The following ADM variants were observed in gnomAD, a reference collection of about 807,000 sequenced individuals.
ADM encodes adrenomedullin, also known as pro-adrenomedullin.
Under a neutral mutation model 9.0 loss-of-function variants are expected in ADM, and 4 were observed. The observed-to-expected ratio is 0.44, with a 90% confidence interval of 0.22 to 1.02. The LOEUF is 1.02. ADM is among the 50% of genes least tolerant of loss of function. The pLI is 0.24. For synonymous variants in ADM, 107 were observed against 107.2 expected (o/e 1.00, Z 0.01); for missense variants, 253 against 254.1 (o/e 1.00, Z 0.03).
In ADM at chr11:10,306,317, T is replaced by TGGGGGGGGGGGGGG; in HGVS notation, c.249-15_249-14insGGGGGGGGGGGGGG. 1 of 636,202 alleles carries TGGGGGGGGGGGGGG rather than the reference T, an allele frequency of 1.6e-6. No individual in the cohort carries two copies. Among genetic ancestry groups the TGGGGGGGGGGGGGG allele is most frequent in the Non-Finnish European group, 2.4e-6 (1 of 411,140 alleles). 39.4% of individuals were successfully genotyped at this position (636,202 alleles called of 1,614,324 possible). On this transcript the variant is annotated splice_polypyrimidine_tract_variant and intron_variant, in intron 3 of 3. Transcript: ENST00000278175. ...GGTCTCAAGTTGCCTTTCTTCCCCC[T>TGGGGGGGGGGGGGG]CCCCCCGCCCGCAGCAGTCCGGATG...
intron 3 of ADM, 32 bp downstream of exon 3, chr11:10,306,130 A>G: frequency 1.9e-6 from 3 of 1,607,364 alleles, no homozygotes; most frequent in Non-Finnish European, 2.6e-6. Flanking sequence ...CAGGGACGGG[A>G]GGGAAGGAAG....
rs1015136712 is a variant in ADM at position 10,306,774 on chromosome 11, C to T, written c.*133C>T. The stretch of plus-strand genomic sequence containing the variant: ...CGGAGACCCTGAGTCCGGGAGGCAC[C>T]GTCCGGCGGCGAGCTCTGGCTTTGC... On this transcript the variant is annotated 3_prime_UTR_variant, in exon 4 of 4. Coordinates refer to ENST00000278175, the MANE Select transcript of ADM (RefSeq NM_001124.3). 1.1e-5 allele frequency: 10 copies of T among 883,404 alleles called. No individual in the cohort carries two copies. Among genetic ancestry groups the T allele is most frequent in the Non-Finnish European group, 1.6e-5 (10 of 616,084 alleles). The allele number at this position is 883,404 out of a possible 1,614,324, so 54.7% of individuals were successfully genotyped here. A position where few individuals can be genotyped will look rare whatever the true frequency, so the allele number is the denominator to read the frequency against.
In ADM at chr11:10,306,320, C is replaced by G; in HGVS notation, c.249-12C>G. 1 of 1,481,260 alleles carries G rather than the reference C, an allele frequency of 6.8e-7. No individual in the cohort carries two copies. Among genetic ancestry groups the G allele is most frequent in the Non-Finnish European group, 9.3e-7 (1 of 1,073,686 alleles). 91.8% of individuals were successfully genotyped at this position (1,481,260 alleles called of 1,614,324 possible). On this transcript the variant is annotated splice_polypyrimidine_tract_variant and intron_variant, in intron 3 of 3. Coordinates refer to ENST00000278175, the MANE Select transcript of ADM (RefSeq NM_001124.3). Reference sequence around the variant, plus strand: ...CTCAAGTTGCCTTTCTTCCCCCTCCCCCCGCCCGCAGCAGTCCGGATGCCG... The same window carrying G: ...CTCAAGTTGCCTTTCTTCCCCCTCCGCCCGCCCGCAGCAGTCCGGATGCCG...
At chr11:10,305,835 T>A in intron 2 of ADM, 37 bp downstream of exon 2, 1 of 1,611,870 alleles carries the variant, frequency 6.2e-7, no homozygotes, top group East Asian at 2.2e-5. Flanking sequence ...TGCTGGTACC[T>A]GGCAGGCAAG....
chr11:10,306,835 C>A lies in ADM; in HGVS notation c.*194C>A. 1.9e-6 allele frequency: 1 copy of A among 526,512 alleles called. No individual in the cohort carries two copies. The highest frequency in any genetic ancestry group is 3.2e-6 in the Non-Finnish European group (1 of 309,848). The allele number at this position is 526,512 out of a possible 1,614,324, so 32.6% of individuals were successfully genotyped here. A position where few individuals can be genotyped will look rare whatever the true frequency, so the allele number is the denominator to read the frequency against. Reference sequence around the variant, plus strand: ...CCTTCTGGGGGCTTCGCTTCCTTAGCCTTGCTCAGGTGCAAGTGCCCCAGG... The same window carrying A: ...CCTTCTGGGGGCTTCGCTTCCTTAGACTTGCTCAGGTGCAAGTGCCCCAGG... On this transcript the variant is annotated 3_prime_UTR_variant, in exon 4 of 4. Coordinates refer to ENST00000278175, the MANE Select transcript of ADM (RefSeq NM_001124.3).
chr11:10,306,975 A>C lies in ADM; in HGVS notation c.*334A>C. On this transcript the variant is annotated 3_prime_UTR_variant, in exon 4 of 4. Coordinates refer to ENST00000278175, the MANE Select transcript of ADM (RefSeq NM_001124.3). ...TGAGCCACAGCCGTGCTCGCCCACA[A>C]ACTGATTTCTCACGGCGTGTCACCC... is the stretch of plus-strand genomic sequence containing the variant. 1 of 240,034 alleles carries C rather than the reference A, an allele frequency of 4.2e-6. No individual in the cohort carries two copies. Among genetic ancestry groups the C allele is most frequent in the Non-Finnish European group, 8.0e-6 (1 of 125,140 alleles). The allele number at this position is 240,034 out of a possible 1,614,324, so 14.9% of individuals were successfully genotyped here. A position where few individuals can be genotyped will look rare whatever the true frequency, so the allele number is the denominator to read the frequency against.
chr11:10,305,805 C>A lies in ADM; in HGVS notation c.98+7C>A, dbSNP rs1964648604. On this transcript the variant is annotated splice_region_variant and intron_variant, in intron 2 of 3. Coordinates refer to ENST00000278175, the MANE Select transcript of ADM (RefSeq NM_001124.3). ...CGTCGGAGTTTCGAAAGAAGTGAGT[C>A]CGGGCAGCGCCTTCCCCCTTGCTGG... The A allele has an allele frequency of 6.2e-7, 1 of 1,613,924 alleles. No homozygotes were observed. Among genetic ancestry groups the A allele is most frequent in the Non-Finnish European group, 8.5e-7 (1 of 1,179,980 alleles).
In ADM at chr11:10,306,559, C is replaced by A. The variant is rs750283609; in HGVS notation, c.476C>A (p.Pro159Gln). ...RRRRSLPEAG[P>Q]GRTLVSSKPQ... The stretch of plus-strand genomic sequence containing the variant: ...CGGCGCTCCCTGCCCGAGGCCGGCC[C>A]GGGTCGGACTCTGGTGTCTTCTAAG... Residue 159 changes from proline to glutamine, a missense_variant, in exon 4 of 4, where the codon CCG becomes CAG. Physicochemically the swap from Pro to Gln is moderately conservative, Grantham distance 76. Transcript: ENST00000278175. 6.2e-7 allele frequency: 1 copy of A among 1,612,028 alleles called. No individual in the cohort carries two copies. Among genetic ancestry groups the A allele is most frequent in the Non-Finnish European group, 8.5e-7 (1 of 1,179,304 alleles).
chr11:10,306,198 G>T, intron 3 of ADM, 100 bp downstream of exon 3: 1 of 1,547,794 alleles, frequency 6.5e-7, no homozygotes, highest in Non-Finnish European at 8.7e-7. Context: ...GTCGGGGCTG[G>T]ACCGCAGCTC....
Position 10,306,398 on chromosome 11 carries a change from C to T in ADM, c.315C>T (p.Leu105=). Residue 105 remains leucine, a synonymous_variant, in exon 4 of 4, where the codon CTC becomes CTT. Transcript: ENST00000278175. The part of the protein sequence containing the change: ...YRQSMNNFQG[L]RSFGCRFGTC... Reference sequence around the variant, plus strand: ...AGAGCATGAACAACTTCCAGGGCCTCCGGAGCTTTGGCTGCCGCTTCGGGA... The same window carrying T: ...AGAGCATGAACAACTTCCAGGGCCTTCGGAGCTTTGGCTGCCGCTTCGGGA... 1 of 1,613,074 alleles carries T rather than the reference C, an allele frequency of 6.2e-7. No individual in the cohort carries two copies. Among genetic ancestry groups the T allele is most frequent in the South Asian group, 1.1e-5 (1 of 91,038 alleles).
At chr11:10,305,654 G>C in intron 1 of ADM, 26 bp from the exon 2 acceptor site, 1 of 1,593,184 alleles carries the variant, frequency 6.3e-7, no homozygotes. Context: ...GGGTGCTCAC[G>C]CTCGACTCTC....
rs551969487 is a variant in ADM, at chr11:10,306,744, C to T, written c.*103C>T. On this transcript the variant is annotated 3_prime_UTR_variant, in exon 4 of 4. Transcript: ENST00000278175. ...CGGTGTGGGGACCGGGCTCTGACAG[C>T]CCTGCGGAGACCCTGAGTCCGGGAG... The T allele has an allele frequency of 6.4e-6, 8 of 1,245,054 alleles. No homozygotes were observed. In the African/African-American group the frequency reaches 1.1e-4, roughly 17 times the overall value. 77.1% of individuals were successfully genotyped at this position (1,245,054 alleles called of 1,614,324 possible). A position where few individuals can be genotyped will look rare whatever the true frequency, so the allele number is the denominator to read the frequency against.
At chr11:10,305,351 T>TA in intron 1 of ADM, 122 bp downstream of exon 1, 1 of 301,554 alleles carries the variant, frequency 3.3e-6, no homozygotes, top group Admixed American at 4.7e-5. Flanking sequence ...GAGAGATAGA[T>TA]ACACCCCATA....
rs568261437 is a variant in ADM at position 10,306,806 on chromosome 11, C to T, written c.*165C>T. The T allele has an allele frequency of 1.0e-4, 64 of 637,632 alleles. No homozygotes were observed. The highest frequency in any genetic ancestry group is 9.4e-4 in the African/African-American group (49 of 52,286). 39.5% of individuals were successfully genotyped at this position (637,632 alleles called of 1,614,324 possible). Reference sequence around the variant, plus strand: ...CGGCGAGCTCTGGCTTTGCAAGGGCCCCTCCTTCTGGGGGCTTCGCTTCCT... The same window carrying T: ...CGGCGAGCTCTGGCTTTGCAAGGGCTCCTCCTTCTGGGGGCTTCGCTTCCT... On this transcript the variant is annotated 3_prime_UTR_variant, in exon 4 of 4. Coordinates refer to ENST00000278175, the MANE Select transcript of ADM (RefSeq NM_001124.3).
rs760271378 is a variant in ADM, at chr11:10,306,542, C to A, written c.459C>A (p.Ser153=). The A allele has an allele frequency of 6.2e-7, 1 of 1,612,006 alleles. No homozygotes were observed. Among genetic ancestry groups the A allele is most frequent in the Non-Finnish European group, 8.5e-7 (1 of 1,179,348 alleles). The change falls in exon 4 of 4, where the codon TCC becomes TCA. Residue 153 remains serine (S), a synonymous_variant. Coordinates refer to ENST00000278175, the MANE Select transcript of ADM (RefSeq NM_001124.3). Reference sequence around the variant, plus strand: ...GCTACGGCCGCCGGCGCCGGCGCTCCCTGCCCGAGGCCGGCCCGGGTCGGA... The same window carrying A: ...GCTACGGCCGCCGGCGCCGGCGCTCACTGCCCGAGGCCGGCCCGGGTCGGA... The part of the protein sequence containing the change: ...PQGYGRRRRR[S]LPEAGPGRTL...
Position 10,306,460 on chromosome 11 carries a change from A to G in ADM, c.377A>G (p.Gln126Arg). The change falls in exon 4 of 4, where the codon CAG becomes CGG. Residue 126 changes from glutamine (Q) to arginine (R), a missense_variant. Coordinates refer to ENST00000278175, the MANE Select transcript of ADM (RefSeq NM_001124.3). ...TVQKLAHQIY[Q>R]FTDKDKDNVA... ...CAGAAGCTGGCACACCAGATCTACC[A>G]GTTCACAGATAAGGACAAGGACAAC... 3.1e-6 allele frequency: 5 copies of G among 1,613,052 alleles called. No individual in the cohort carries two copies. The highest frequency in any genetic ancestry group is 4.2e-6 in the Non-Finnish European group (5 of 1,179,836).
chr11:10,305,377 G>A (rs532427130), intron 1 of ADM, 148 bp downstream of exon 1: 133 of 373,812 alleles, frequency 3.6e-4, no homozygotes, highest in Middle Eastern at 7.9e-4. Context: ...GGCCCAGCTC[G>A]TGCACACAGC....
At position 10,306,320 on chromosome 11, in the gene ADM, C is replaced by T; in HGVS notation, c.249-12C>T. ...CTCAAGTTGCCTTTCTTCCCCCTCC[C>T]CCCGCCCGCAGCAGTCCGGATGCCG... On this transcript the variant is annotated splice_polypyrimidine_tract_variant and intron_variant, in intron 3 of 3. Coordinates refer to ENST00000278175, the MANE Select transcript of ADM (RefSeq NM_001124.3). 1 of 1,481,264 alleles carries T rather than the reference C, an allele frequency of 6.8e-7. No individual in the cohort carries two copies. Among genetic ancestry groups the T allele is most frequent in the East Asian group, 2.3e-5 (1 of 43,222 alleles). 91.8% of individuals were successfully genotyped at this position (1,481,264 alleles called of 1,614,324 possible).
At position 10,306,645 on chromosome 11, in the gene ADM, T is replaced by G; in HGVS notation, c.*4T>G. ...AAGTGCTCCCCACTTTCTTTAGGAT[T>G]TAGGCGCCCATGGTACAAGGAATAG... is the stretch of plus-strand genomic sequence containing the variant. On this transcript the variant is annotated 3_prime_UTR_variant, in exon 4 of 4. Transcript: ENST00000278175. The G allele has an allele frequency of 6.6e-7, 1 of 1,523,056 alleles. No homozygotes were observed. The highest frequency in any genetic ancestry group is 8.8e-7 in the Non-Finnish European group (1 of 1,138,108). 94.3% of individuals were successfully genotyped at this position (1,523,056 alleles called of 1,614,324 possible).
Sources: allele counts gnomAD v4.1 joint callset, GRCh38; gene constraint gnomAD v4.1.1; transcripts MANE v1.5; gene names NCBI Gene and HGNC (gene_info 2026-07-23, HGNC 2026-07-21).